Variants in AOPEP observed in about 807,000 individuals in gnomAD.
The protein encoded by AOPEP is aminopeptidase O (putative).
In AOPEP, 77 loss-of-function variants were observed where a neutral mutation model predicts 98.1. The ratio of observed to expected loss-of-function variants is 0.78; its 90% confidence interval spans 0.65 to 0.95. The LOEUF (loss-of-function observed/expected upper bound fraction) is 0.95, where lower values mean the gene tolerates loss of function less well. Among genes scored for constraint, AOPEP ranks in the 40% least tolerant of loss-of-function variants. The pLI, the probability that AOPEP is intolerant of heterozygous loss-of-function variation, is 0.00. For missense variants in AOPEP, 1,024 were observed against 1,024.7 expected (o/e 1.00, Z 0.01); for synonymous variants, 346 against 365.3 (o/e 0.95, Z 0.60).
chr9:95,081,439 T>G (rs1174301812), intron 15 of AOPEP, among the ~76,000 whole-genome samples: 1 of 152,176 alleles, frequency 6.6e-6, no homozygotes, highest in Non-Finnish European at 1.5e-5. Flanking sequence ...ATGAGTGGCC[T>G]GTCAAGCACT....
intron 13 of AOPEP, among the ~76,000 whole-genome samples, chr9:95,056,959 G>C (rs528651218): frequency 6.6e-6 from 1 of 152,106 alleles, no homozygotes; most frequent in Non-Finnish European, 1.5e-5. Context: ...GTAAATTTCC[G>C]AGGCAGATGC....
At chr9:94,863,746 C>T (rs1018100746) in intron 5 of AOPEP, among the ~76,000 whole-genome samples, 1 of 152,146 alleles carries the variant, frequency 6.6e-6, no homozygotes, top group African/African-American at 2.4e-5. Flanking sequence ...TCAGGGTCAA[C>T]TCATAGTACA....
chr9:95,099,262 G>C, the AOPEP span: 2 of 220,050 alleles, frequency 9.1e-6, no homozygotes, highest in African/African-American at 4.5e-5. Flanking sequence ...CTATCAGGGA[G>C]AGTCTACAAA....
At chr9:95,017,977 T>TA (rs1428500117) in intron 13 of AOPEP, among the ~76,000 whole-genome samples, 2 of 151,852 alleles carry the variant, frequency 1.3e-5, no homozygotes, top group Admixed American at 6.5e-5. Flanking sequence ...CTTTTTATTT[T>TA]AAAGTAGTTT....
chr9:94,946,751 C>T lies in AOPEP; in HGVS notation c.1662-8426C>T, dbSNP rs187048143. Among the ~76,000 whole-genome samples, 426 of 152,262 alleles carry T rather than the reference C, an allele frequency of 2.8e-3. 6 individuals carry two copies. Among genetic ancestry groups the T allele is most frequent in the Admixed American group, 0.024 (360 of 15,292 alleles). ...CATATATACCGCATGCCTGGGAGAA[C>T]GTTCGCTTTCTTGGGCTTGGTCCTT... On this transcript the variant is annotated intron_variant, in intron 7 of 16. Transcript: ENST00000375315.
intron 5 of AOPEP, among the ~76,000 whole-genome samples, chr9:94,826,611 A>G (rs1233640499): frequency 6.6e-6 from 1 of 152,276 alleles, no homozygotes; most frequent in East Asian, 1.9e-4. Flanking sequence ...CTCCAATAAA[A>G]CTTTCTTTAA....
intron 13 of AOPEP, among the ~76,000 whole-genome samples, chr9:95,028,008 C>A (rs1768213200): frequency 6.6e-6 from 1 of 152,174 alleles, no homozygotes; most frequent in Non-Finnish European, 1.5e-5. Flanking sequence ...CCTCAGAACA[C>A]TCATTGCAGG....
the AOPEP span, among the ~76,000 whole-genome samples, chr9:95,116,064 T>G: frequency 2.0e-5 from 3 of 152,238 alleles, no homozygotes; most frequent in Admixed American, 2.0e-4. Flanking sequence ...GCCACCTATT[T>G]ATATTTGGAC....
At chr9:95,118,112 G>A in the AOPEP span, among the ~76,000 whole-genome samples, 79 of 152,202 alleles carry the variant, frequency 5.2e-4, 1 homozygote, top group Middle Eastern at 3.4e-3. Context: ...TCCACCTCCC[G>A]GGTCCAAATG....
intron 14 of AOPEP, 40 bp downstream of exon 14, chr9:95,060,850 C>T (rs1228609844): frequency 1.2e-5 from 15 of 1,281,278 alleles, no homozygotes; most frequent in Admixed American, 1.7e-5. Flanking sequence ...AGCAGGTCCC[C>T]ACTGTTGTTG....
chr9:94,979,941 T>C lies in AOPEP; in HGVS notation c.1977+514T>C, dbSNP rs547999922. On this transcript the variant is annotated intron_variant, in intron 11 of 16. Transcript: ENST00000375315. ...GTCTCCTGGTTCTGCATTGGGCTCC[T>C]GTCTCAGGCCGGCCTTCTCACCTGG... is the stretch of plus-strand genomic sequence containing the variant. 3.3e-5 allele frequency among the ~76,000 whole-genome samples: 5 copies of C among 152,374 alleles called. No individual in the cohort carries two copies. In the South Asian group the frequency reaches 1.0e-3, roughly 32 times the overall value.
intron 11 of AOPEP, among the ~76,000 whole-genome samples, chr9:94,998,821 TTCTCTCCATAA>T (rs750646325): frequency 5.9e-5 from 9 of 152,354 alleles, no homozygotes; most frequent in Middle Eastern, 3.4e-3. Context: ...ACTTACATTA[TTCTCTCCATAA>T]TCTAAGCCCC....
At chr9:94,850,953 G>A (rs970519629) in intron 5 of AOPEP, among the ~76,000 whole-genome samples, 1 of 152,206 alleles carries the variant, frequency 6.6e-6, no homozygotes, top group Non-Finnish European at 1.5e-5. Flanking sequence ...GACATACAAG[G>A]AAGGACACCT....
intron 5 of AOPEP, among the ~76,000 whole-genome samples, chr9:94,805,130 C>T (rs991641613): frequency 6.6e-6 from 1 of 152,042 alleles, no homozygotes; most frequent in Non-Finnish European, 1.5e-5. Context: ...TAAGTCAGGT[C>T]CATCATTCTA....
intron 5 of AOPEP, among the ~76,000 whole-genome samples, chr9:94,821,970 AACACACAC>A (rs34645632): frequency 0.015 from 2,094 of 141,454 alleles, 36 homozygotes; most frequent in African/African-American, 0.042. Context: ...TGTGTGTGTA[AACACACAC>A]ACACACACAC....
chr9:94,767,361 A>G (rs540945915), intron 2 of AOPEP, among the ~76,000 whole-genome samples: 33 of 152,328 alleles, frequency 2.2e-4, no homozygotes, highest in Non-Finnish European at 3.5e-4. Context: ...GATGGACTGT[A>G]TCAGTCTCAA....
At chr9:94,854,388 C>T (rs1266220479) in intron 5 of AOPEP, among the ~76,000 whole-genome samples, 1 of 152,056 alleles carries the variant, frequency 6.6e-6, no homozygotes, top group Non-Finnish European at 1.5e-5. Flanking sequence ...CTCTAAAGGC[C>T]ATTTCTATTA....
intron 5 of AOPEP, chr9:94,824,233 T>C (rs769015753): frequency 2.6e-5 from 4 of 152,182 alleles, no homozygotes; most frequent in Admixed American, 6.5e-5. Flanking sequence ...AAAAAGAGGA[T>C]TTCAAGAGCC....
At chr9:94,812,020 C>G (rs1298126058) in intron 5 of AOPEP, among the ~76,000 whole-genome samples, 1 of 152,160 alleles carries the variant, frequency 6.6e-6, no homozygotes, top group East Asian at 1.9e-4. Flanking sequence ...TTGATGGTCC[C>G]TTATCCAGGG....
Sources: allele counts gnomAD v4.1 joint callset (sites outside exome capture counted in the v4.1 genomes callset), GRCh38; gene constraint gnomAD v4.1.1; transcripts MANE v1.5; gene names NCBI Gene and HGNC (gene_info 2026-07-23, HGNC 2026-07-21).